Variants in MACROD2 observed in about 807,000 individuals in gnomAD.
MACROD2 encodes ADP-ribose glycohydrolase MACROD2.
MACROD2 carries 36 observed loss-of-function variants against 70.4 expected under a neutral mutation model. The ratio of observed to expected loss-of-function variants is 0.51; its 90% confidence interval spans 0.39 to 0.68. MACROD2 has a LOEUF of 0.68. Among genes scored for constraint, MACROD2 ranks in the 30% least tolerant of loss-of-function variants. The probability of loss-of-function intolerance (pLI) is 0.00; values close to 1 mark genes in which losing one functional copy is unlikely to be tolerated. For synonymous variants in MACROD2, 172 were observed against 178.8 expected, an observed-to-expected ratio of 0.96 and a Z score of 0.30; for missense variants, 496 against 538.4, an observed-to-expected ratio of 0.92 and a Z score of 0.78.
At chr20:14,493,103 A>C (rs913032064) in intron 3 of MACROD2, among the ~76,000 whole-genome samples, 2 of 151,978 alleles carry the variant, frequency 1.3e-5, no homozygotes, top group Non-Finnish European at 2.9e-5. Flanking sequence ...TTTTTGTTAC[A>C]TCGTCCTTTG....
intron 5 of MACROD2, among the ~76,000 whole-genome samples, chr20:15,144,718 A>C (rs1171503726): frequency 6.6e-6 from 1 of 152,168 alleles, no homozygotes; most frequent in Non-Finnish European, 1.5e-5. Context: ...GTTTAATGAC[A>C]AATGTTATGT....
intron 5 of MACROD2, among the ~76,000 whole-genome samples, chr20:14,777,603 G>A (rs887428358): frequency 2.0e-5 from 3 of 152,122 alleles, no homozygotes; most frequent in African/African-American, 4.8e-5. Context: ...GTAAGAAGAA[G>A]CATATTAGAT....
intron 5 of MACROD2, among the ~76,000 whole-genome samples, chr20:15,114,179 T>C (rs1001958643): frequency 1.3e-5 from 2 of 152,166 alleles, no homozygotes; most frequent in Non-Finnish European, 2.9e-5. Context: ...CAGACCTCTG[T>C]CTCATTTTCA....
intron 4 of MACROD2, among the ~76,000 whole-genome samples, chr20:14,635,033 G>A (rs1984714218): frequency 6.6e-6 from 1 of 152,182 alleles, no homozygotes; most frequent in African/African-American, 2.4e-5. Context: ...ATTGAGTGCA[G>A]AGTGCAATGA....
intron 8 of MACROD2, among the ~76,000 whole-genome samples, chr20:15,753,592 T>A (rs2051305044): frequency 6.6e-6 from 1 of 152,238 alleles, no homozygotes; most frequent in South Asian, 2.1e-4. Flanking sequence ...TACTTATGTC[T>A]TTGTGGTAGA....
At chr20:15,996,826 T>C (rs1195260681) in intron 15 of MACROD2, among the ~76,000 whole-genome samples, 1 of 152,194 alleles carries the variant, frequency 6.6e-6, no homozygotes, top group Non-Finnish European at 1.5e-5. Flanking sequence ...GTGAGTTTTA[T>C]GGTTTCAGGT....
intron 5 of MACROD2, among the ~76,000 whole-genome samples, chr20:14,814,895 A>G (rs1430444756): frequency 6.6e-6 from 1 of 150,654 alleles, no homozygotes; most frequent in African/African-American, 2.4e-5. Flanking sequence ...AAAATAACAG[A>G]TGAAAGGACA....
intron 3 of MACROD2, among the ~76,000 whole-genome samples, chr20:14,254,163 A>T (rs1204275201): frequency 1.3e-5 from 2 of 152,128 alleles, no homozygotes; most frequent in African/African-American, 4.8e-5. Flanking sequence ...TTATTAGTGA[A>T]TTATTATTCA....
chr20:15,271,112 T>G (rs2077342402), intron 6 of MACROD2, among the ~76,000 whole-genome samples: 1 of 152,240 alleles, frequency 6.6e-6, no homozygotes, highest in Admixed American at 6.5e-5. Flanking sequence ...CTAGCTGCTG[T>G]AACAGAATAC....
chr20:14,532,049 A>C (rs2085312078), intron 4 of MACROD2, among the ~76,000 whole-genome samples: 1 of 152,066 alleles, frequency 6.6e-6, no homozygotes, highest in Non-Finnish European at 1.5e-5. Context: ...ATTTGTACTC[A>C]CTGTAGATTC....
At chr20:15,870,655 C>T (rs988048779) in intron 9 of MACROD2, among the ~76,000 whole-genome samples, 33 of 152,170 alleles carry the variant, frequency 2.2e-4, no homozygotes, top group African/African-American at 7.5e-4. Context: ...TCACCAGATG[C>T]CAGCACTTTG....
chr20:15,292,139 T>C (rs1033582547), intron 6 of MACROD2, among the ~76,000 whole-genome samples: 4 of 152,156 alleles, frequency 2.6e-5, no homozygotes, highest in African/African-American at 9.7e-5. Flanking sequence ...GCCTCCTGAA[T>C]AGCTGGGACT....
At position 15,291,335 on chromosome 20, in the gene MACROD2, T is replaced by G. The variant is rs112968987; in HGVS notation, c.540+61274T>G. Reference sequence around the variant, plus strand: ...AGCTGGCTGACCTTTGCTGCTGTCCTATGAGACATAAAGATAATATTCCTC... The same window carrying G: ...AGCTGGCTGACCTTTGCTGCTGTCCGATGAGACATAAAGATAATATTCCTC... On this transcript the variant is annotated intron_variant, in intron 6 of 17. Transcript: ENST00000684519. Among the ~76,000 whole-genome samples, 1,307 of 152,342 alleles carry G rather than the reference T, an allele frequency of 8.6e-3. 12 individuals carry two copies. The highest frequency in any genetic ancestry group is 0.029 in the African/African-American group (1,213 of 41,582).
At chr20:14,466,920 T>C (rs1244242726) in intron 3 of MACROD2, among the ~76,000 whole-genome samples, 2 of 152,048 alleles carry the variant, frequency 1.3e-5, no homozygotes, top group Non-Finnish European at 2.9e-5. Context: ...AGTACCCGGC[T>C]GTGTGAGGTG....
At chr20:14,335,801 T>C (rs942464342) in intron 3 of MACROD2, among the ~76,000 whole-genome samples, 1 of 152,198 alleles carries the variant, frequency 6.6e-6, no homozygotes, top group Non-Finnish European at 1.5e-5. Flanking sequence ...TTAGTTTTCT[T>C]AGTAAATCTA....
intron 3 of MACROD2, among the ~76,000 whole-genome samples, chr20:14,209,083 A>G (rs2081549314): frequency 6.6e-6 from 1 of 152,218 alleles, no homozygotes. Context: ...TTCTGTAAAT[A>G]TTTGATGAAT....
At chr20:14,195,201 T>C (rs551764010) in intron 3 of MACROD2, among the ~76,000 whole-genome samples, 2 of 152,116 alleles carry the variant, frequency 1.3e-5, no homozygotes, top group South Asian at 4.2e-4. Flanking sequence ...AGAAACCAGT[T>C]GCAAAAAGGG....
intron 5 of MACROD2, among the ~76,000 whole-genome samples, chr20:14,887,804 G>A (rs1294255643): frequency 6.6e-6 from 1 of 151,304 alleles, no homozygotes; most frequent in Non-Finnish European, 1.5e-5. Flanking sequence ...ACTATTTGGA[G>A]TATCACAATT....
intron 5 of MACROD2, among the ~76,000 whole-genome samples, chr20:14,907,298 A>T (rs1012597271): frequency 1.3e-5 from 2 of 152,218 alleles, no homozygotes; most frequent in Admixed American, 6.5e-5. Context: ...TGACTATGGG[A>T]TGGCCCTGCT....
Sources: gnomAD v4.1 joint callset for allele counts (sites outside exome capture counted in the v4.1 genomes callset) on GRCh38, gnomAD v4.1.1 for gene constraint, MANE v1.5 for transcripts, NCBI Gene and HGNC (gene_info 2026-07-23, HGNC 2026-07-21) for gene names.